CTHRC1: variants seen among roughly 807,000 people sequenced by gnomAD.
CTHRC1 encodes the protein collagen triple helix repeat-containing protein 1.
CTHRC1 carries 21 observed loss-of-function variants against 25.9 expected under a neutral mutation model. The ratio of observed to expected loss-of-function variants is 0.81; its 90% CI spans 0.57 to 1.17. The LOEUF is 1.17. CTHRC1 is among the 50% of genes most tolerant of loss of function. The probability of loss-of-function intolerance (pLI) is 0.00; values close to 1 mark genes in which losing one functional copy is unlikely to be tolerated. For missense variants in CTHRC1, 281 were observed against 304.3 expected (o/e 0.92, Z 0.57); for synonymous variants, 109 against 113.1 (o/e 0.96, Z 0.23).
chr8:103,380,081 G>T (rs1191092848), intron 3 of CTHRC1, among the ~76,000 whole-genome samples: 1 of 152,134 alleles, frequency 6.6e-6, no homozygotes, highest in East Asian at 1.9e-4. Flanking sequence ...AGGAAGAAGT[G>T]CTTCCCATCT....
In CTHRC1 at chr8:103,375,781, G is replaced by T. The variant is rs147175675; in HGVS notation, c.194G>T (p.Arg65Leu). Residue 65 changes from arginine to leucine, a missense_variant, in exon 2 of 4, where the codon CGA becomes CTA. By Grantham distance (102) the Arg-to-Leu change is moderately radical (BLOSUM62 -2). Transcript: ENST00000330295. ...CLQGPAGVPGRDGSPGANGIP... is the reference protein window; with the variant it reads ...CLQGPAGVPGLDGSPGANGIP... Reference sequence around the variant, plus strand: ...CAAGGGCCAGCAGGAGTGCCTGGTCGAGACGGGAGCCCTGGGGCCAATGGC... The same window carrying T: ...CAAGGGCCAGCAGGAGTGCCTGGTCTAGACGGGAGCCCTGGGGCCAATGGC... The T allele has an allele frequency of 1.2e-6, 2 of 1,614,074 alleles. No homozygotes were observed. Among genetic ancestry groups the T allele is most frequent in the Non-Finnish European group, 1.7e-6 (2 of 1,180,028 alleles).
chr8:103,372,503 G>GT, intron 1 of CTHRC1: 1 of 1,597,656 alleles, frequency 6.3e-7, no homozygotes, highest in Non-Finnish European at 8.5e-7. Flanking sequence ...TTTTGCTTCT[G>GT]TTTAAACCAA....
In CTHRC1 at chr8:103,378,453, C is replaced by T. The variant is rs144736743; in HGVS notation, c.589+210C>T. 8.9e-3 allele frequency among the ~76,000 whole-genome samples: 1,350 copies of T among 152,290 alleles called. 11 individuals are homozygous for T. Among genetic ancestry groups the T allele is most frequent in the Non-Finnish European group, 0.014 (961 of 68,026 alleles). On this transcript the variant is annotated intron_variant, in intron 3 of 3. Transcript: ENST00000330295. ...CTGGGCCCTATCTCTGATGAACTAA[C>T]GCAGAATCTCTAGCAGTAAGACCAC...
chr8:103,378,256 G>A lies in CTHRC1; in HGVS notation c.589+13G>A. 11 of 1,598,418 alleles carry A rather than the reference G, an allele frequency of 6.9e-6. No individual in the cohort carries two copies. Among genetic ancestry groups the A allele is most frequent in the Non-Finnish European group, 9.4e-6 (11 of 1,169,844 alleles). ...CGCACTTCTTCTGGTATGTAAAATT[G>A]TGACATTGCAAGATGTGCCTCAGAT... On this transcript the variant is annotated intron_variant, in intron 3 of 3. Coordinates refer to ENST00000330295, the MANE Select transcript of CTHRC1 (RefSeq NM_138455.4).
Position 103,371,747 on chromosome 8 carries a change from T to C in CTHRC1, c.91T>C (p.Ser31Pro), listed in dbSNP as rs1815706838. Residue 31 changes from serine to proline, a missense_variant, in exon 1 of 4, where the codon TCT becomes CCT. By Grantham distance (74) the Ser-to-Pro change is moderately conservative. Transcript: ENST00000330295. Reference sequence around the variant, plus strand: ...GCAGCTGCCCGCGCCGTCGAGCGCCTCTGAGATCCCCAAGGGGAAGCAAAA... The same window carrying C: ...GCAGCTGCCCGCGCCGTCGAGCGCCCCTGAGATCCCCAAGGGGAAGCAAAA... ...LLQLPAPSSA[S>P]EIPKGKQKAQ... 6.5e-7 allele frequency: 1 copy of C among 1,536,688 alleles called. No individual in the cohort carries two copies. Among genetic ancestry groups the C allele is most frequent in the Non-Finnish European group, 8.8e-7 (1 of 1,142,264 alleles).
At chr8:103,382,336 A>C (rs1212898039) in intron 3 of CTHRC1, 122 bp from the exon 4 acceptor site, 2 of 972,082 alleles carry the variant, frequency 2.1e-6, no homozygotes, top group Non-Finnish European at 3.2e-6. Context: ...CAAGTATTAA[A>C]ATTTTTAAGT....
chr8:103,371,619 T>G lies in CTHRC1; in HGVS notation c.-38T>G, dbSNP rs964357394. The stretch of plus-strand genomic sequence containing the variant: ...GACCACGTTCCTCTCCTCGGTCTCC[T>G]CCGCCTCCAGCTCCGCGCTGCCCGG... On this transcript the variant is annotated 5_prime_UTR_variant, in exon 1 of 4. Transcript: ENST00000330295. The G allele has an allele frequency of 7.2e-6, 11 of 1,527,218 alleles. No individual in the cohort carries two copies. Among genetic ancestry groups the G allele is most frequent in the Admixed American group, 2.0e-5 (1 of 49,242 alleles). 94.6% of individuals were successfully genotyped at this position (1,527,218 alleles called of 1,614,324 possible). A position where few individuals can be genotyped will look rare whatever the true frequency, so the allele number is the denominator to read the frequency against.
intron 1 of CTHRC1, chr8:103,372,429 G>C: frequency 6.6e-7 from 1 of 1,504,594 alleles, no homozygotes; most frequent in Non-Finnish European, 8.8e-7. Context: ...GCTAGGAATG[G>C]TTCAGAAGGT....
chr8:103,381,623 G>A (rs1168109763), intron 3 of CTHRC1, among the ~76,000 whole-genome samples: 1 of 152,260 alleles, frequency 6.6e-6, no homozygotes, highest in East Asian at 1.9e-4. Flanking sequence ...TTTTCACTAT[G>A]AGGAAATTCT....
chr8:103,380,334 T>G (rs375460649), intron 3 of CTHRC1, among the ~76,000 whole-genome samples: 19 of 152,380 alleles, frequency 1.2e-4, no homozygotes, highest in African/African-American at 4.6e-4. Flanking sequence ...TCATTTGGTG[T>G]GATCAGTTGG....
chr8:103,379,681 A>T (rs535592089), intron 3 of CTHRC1, among the ~76,000 whole-genome samples: 2 of 152,284 alleles, frequency 1.3e-5, no homozygotes, highest in Admixed American at 1.3e-4. Flanking sequence ...GATTTCCTGA[A>T]GAGATTTTTC....
In CTHRC1 at chr8:103,382,552, T is replaced by A. The variant is rs770249018; in HGVS notation, c.684T>A (p.Thr228=). The change falls in exon 4 of 4, where the codon ACT becomes ACA. Residue 228 remains threonine (T), a synonymous_variant. Coordinates refer to ENST00000330295, the MANE Select transcript of CTHRC1 (RefSeq NM_138455.4). ...ATTACCCAAAAGGAGATGCTTCTAC[T>A]GGATGGAATTCAGTTTCTCGCATCA... ...CSDYPKGDAS[T]GWNSVSRIII... is the part of the protein sequence containing the mutation. The A allele has an allele frequency of 1.2e-6, 2 of 1,613,604 alleles. No homozygotes were observed. The highest frequency in any genetic ancestry group is 2.2e-5 in the South Asian group (2 of 91,068).
Position 103,382,488 on chromosome 8 carries a change from G to T in CTHRC1, c.620G>T (p.Gly207Val), listed in dbSNP as rs752656527. The change falls in exon 4 of 4, where the codon GGA (glycine) becomes GTA (valine). Residue 207 changes from glycine (G) to valine (V), a missense_variant. Physicochemically the swap from Gly to Val is moderately radical, Grantham distance 109 (BLOSUM62 -3). Coordinates refer to ENST00000330295, the MANE Select transcript of CTHRC1 (RefSeq NM_138455.4). ...GGACTTTGTGAAGGAATTGGTGCTG[G>T]ATTAGTGGATGTTGCTATCTGGGTT... ...VEGLCEGIGA[G>V]LVDVAIWVGT... 2 of 1,613,792 alleles carry T rather than the reference G, an allele frequency of 1.2e-6. No individual in the cohort carries two copies. The highest frequency in any genetic ancestry group is 2.2e-5 in the South Asian group (2 of 91,082).
In CTHRC1 at chr8:103,371,811, G is replaced by A; in HGVS notation, c.150+5G>A. ...CAGAGGGAGGTGGTGGACCTGGTGA[G>A]TCCGAGGGAGCCGAGCCGGGACCGC... On this transcript the variant is annotated splice_donor_5th_base_variant and intron_variant, in intron 1 of 3. Transcript: ENST00000330295. 1 of 1,502,770 alleles carries A rather than the reference G, an allele frequency of 6.7e-7. No individual in the cohort carries two copies. Among genetic ancestry groups the A allele is most frequent in the Non-Finnish European group, 8.9e-7 (1 of 1,126,050 alleles). The allele number at this position is 1,502,770 out of a possible 1,614,324, so 93.1% of individuals were successfully genotyped here. A position where few individuals can be genotyped will look rare whatever the true frequency, so the allele number is the denominator to read the frequency against.
At position 103,378,109 on chromosome 8, in the gene CTHRC1, C is replaced by T. The variant is rs770323100; in HGVS notation, c.455C>T (p.Ala152Val). ...SGSLRLKCRN[A>V]CCQRWYFTFN... is the part of the protein sequence containing the mutation. Reference sequence around the variant, plus strand: ...TCACTTCGGCTAAAATGCAGAAATGCATGCTGTCAGCGTTGGTATTTCACA... The same window carrying T: ...TCACTTCGGCTAAAATGCAGAAATGTATGCTGTCAGCGTTGGTATTTCACA... The change falls in exon 3 of 4, where the codon GCA becomes GTA. Residue 152 changes from alanine (A) to valine (V), a missense_variant. Ala to Val is a moderately conservative substitution (Grantham distance 64). Transcript: ENST00000330295. 2.5e-6 allele frequency: 4 copies of T among 1,614,138 alleles called. No individual in the cohort carries two copies. The South Asian group carries it at 4.4e-5, about 18-fold the overall frequency.
intron 2 of CTHRC1, chr8:103,377,275 GAGTCAATACGAATGGACAGAACT>G (rs1209911795): frequency 2.0e-5 from 3 of 152,280 alleles, no homozygotes; most frequent in African/African-American, 7.2e-5. Context: ...AACACGTCAA[GAGTCAATACGAATGGACAGAACT>G]AGTCTAGAAT....
intron 1 of CTHRC1, among the ~76,000 whole-genome samples, chr8:103,373,635 T>A (rs1815752514): frequency 6.7e-6 from 1 of 149,864 alleles, no homozygotes; most frequent in Non-Finnish European, 1.5e-5. Flanking sequence ...TTGGGCCAGA[T>A]AATTCTTGTG....
rs576052868 is a variant in CTHRC1, at chr8:103,372,730, T to C, written c.150+924T>C. On this transcript the variant is annotated intron_variant, in intron 1 of 3. Coordinates refer to ENST00000330295, the MANE Select transcript of CTHRC1 (RefSeq NM_138455.4). ...TGGAGGGCGGAGAGGTTCTCTGGCC[T>C]GTGGTATGAGGGAGCCTTTCAGAGC... is the stretch of plus-strand genomic sequence containing the variant. The C allele has an allele frequency of 5.1e-5, 68 of 1,333,874 alleles. 1 individual carries two copies. The South Asian group carries it at 8.3e-4, about 16-fold the overall frequency. 82.6% of individuals were successfully genotyped at this position (1,333,874 alleles called of 1,614,324 possible).
chr8:103,377,279 C>T (rs1020975624), intron 2 of CTHRC1: 1 of 152,270 alleles, frequency 6.6e-6, no homozygotes, highest in Non-Finnish European at 1.5e-5. Context: ...CGTCAAGAGT[C>T]AATACGAATG....
Sources: allele counts gnomAD v4.1 joint callset (sites outside exome capture counted in the v4.1 genomes callset), GRCh38; gene constraint gnomAD v4.1.1; transcripts MANE v1.5; gene names NCBI Gene and HGNC (gene_info 2026-07-23, HGNC 2026-07-21).